The following EPHB1 variants were observed in gnomAD, a reference collection of about 807,000 sequenced individuals.
EPHB1 encodes ephrin type-B receptor 1.
EPHB1 carries 30 observed loss-of-function variants against 94.4 expected under a neutral mutation model. That is an observed-to-expected ratio of 0.32 (90% CI 0.24 to 0.43). The LOEUF (loss-of-function observed/expected upper bound fraction) is 0.43. Among genes scored for constraint, EPHB1 ranks in the 20% least tolerant of loss-of-function variants. The pLI is 1.00. For missense variants in EPHB1, 1,055 were observed against 1,308.3 expected, an observed-to-expected ratio of 0.81 and a Z score of 2.99; for synonymous variants, 522 against 489.1, an observed-to-expected ratio of 1.07 and a Z score of -0.89.
intron 5 of EPHB1, among the ~76,000 whole-genome samples, chr3:135,144,654 C>T (rs1358150089): frequency 1.3e-5 from 2 of 152,260 alleles, no homozygotes; most frequent in South Asian, 2.1e-4. Context: ...CCACCTGTCA[C>T]CCCCCACATT....
chr3:134,795,713 G>A (rs1486599733), intron 1 of EPHB1, 24 bp downstream of exon 1: 1 of 1,608,112 alleles, frequency 6.2e-7, no homozygotes, highest in East Asian at 2.3e-5. Context: ...CACGGAGCAA[G>A]TTGGCTGCTG....
chr3:135,107,425 AC>A (rs139321344), intron 4 of EPHB1, among the ~76,000 whole-genome samples: 32,088 of 152,116 alleles, frequency 0.21, 4,220 homozygotes, highest in Non-Finnish European at 0.3. Flanking sequence ...ATTTGCTCCT[AC>A]TCCTCTGAGC....
chr3:134,946,154 T>C (rs1026136810), intron 2 of EPHB1, among the ~76,000 whole-genome samples: 1 of 152,204 alleles, frequency 6.6e-6, no homozygotes, highest in African/African-American at 2.4e-5. Flanking sequence ...ATCTCTTGCC[T>C]GGGCACCCAC....
chr3:135,222,471 C>T (rs1372768971), intron 12 of EPHB1, among the ~76,000 whole-genome samples: 1 of 152,102 alleles, frequency 6.6e-6, no homozygotes, highest in Admixed American at 6.6e-5. Flanking sequence ...CAAATAGGGG[C>T]ACGCTTTCTT....
Position 135,050,643 on chromosome 3 carries a change from G to A in EPHB1, c.806-55805G>A, listed in dbSNP as rs150194269. On this transcript the variant is annotated intron_variant, in intron 3 of 15. Transcript: ENST00000398015. ...GGTGGGCCTAATAGGAGGTGTTTTC[G>A]TCATGGGGCTGGATCCCTTTTGAAT... 3.0e-4 allele frequency among the ~76,000 whole-genome samples: 45 copies of A among 152,276 alleles called. No individual in the cohort carries two copies. In the East Asian group the frequency reaches 7.2e-3, roughly 24 times the overall value.
intron 6 of EPHB1, among the ~76,000 whole-genome samples, chr3:135,157,502 T>C (rs772389551): frequency 1.8e-4 from 27 of 152,354 alleles, no homozygotes; most frequent in Admixed American, 3.3e-4. Flanking sequence ...TAGTAATTTG[T>C]ACTAATTATT....
At chr3:135,047,551 G>T (rs977170331) in intron 3 of EPHB1, among the ~76,000 whole-genome samples, 2 of 152,174 alleles carry the variant, frequency 1.3e-5, no homozygotes, top group Non-Finnish European at 2.9e-5. Context: ...CCTATTAACT[G>T]CTTCCCTGCC....
At chr3:134,803,669 T>G (rs1436108752) in intron 1 of EPHB1, among the ~76,000 whole-genome samples, 4 of 152,228 alleles carry the variant, frequency 2.6e-5, no homozygotes, top group African/African-American at 9.6e-5. Context: ...TAAGCATTTT[T>G]TTCTCCCATT....
chr3:135,038,139 C>T lies in EPHB1; in HGVS notation c.806-68309C>T, dbSNP rs139423128. Among the ~76,000 whole-genome samples the T allele has an allele frequency of 3.2e-3, 491 of 152,354 alleles. 1 individual carries two copies. The highest frequency in any genetic ancestry group is 0.011 in the African/African-American group (474 of 41,574). On this transcript the variant is annotated intron_variant, in intron 3 of 15. Coordinates refer to ENST00000398015, the MANE Select transcript of EPHB1 (RefSeq NM_004441.5). The stretch of plus-strand genomic sequence containing the variant: ...TAGCTCCAGTGAACAGTCCAAGCTC[C>T]ACTGGGGTAGCCTCCCTAAGTCCTG...
chr3:135,200,507 C>A (rs978925093), intron 11 of EPHB1, among the ~76,000 whole-genome samples: 1 of 152,076 alleles, frequency 6.6e-6, no homozygotes, highest in Non-Finnish European at 1.5e-5. Flanking sequence ...CTGGGATTAC[C>A]CAGAGAAGGT....
At chr3:135,112,765 A>C (rs527672339) in intron 4 of EPHB1, among the ~76,000 whole-genome samples, 1 of 152,080 alleles carries the variant, frequency 6.6e-6, no homozygotes, top group Admixed American at 6.5e-5. Context: ...TATATGTGCC[A>C]CATTTTCTTA....
At chr3:135,014,132 G>T (rs1454315035) in intron 3 of EPHB1, among the ~76,000 whole-genome samples, 1 of 152,166 alleles carries the variant, frequency 6.6e-6, no homozygotes, top group Non-Finnish European at 1.5e-5. Flanking sequence ...GGGGAGCTAG[G>T]ATGTGGGCAC....
chr3:135,161,997 C>T, intron 6 of EPHB1, 21 bp from the exon 7 acceptor site: 2 of 1,594,046 alleles, frequency 1.3e-6, no homozygotes, highest in South Asian at 2.3e-5. Context: ...GATAGTGACC[C>T]TTTCCCTTGC....
At chr3:134,853,858 G>A (rs966359761) in intron 1 of EPHB1, among the ~76,000 whole-genome samples, 3 of 152,180 alleles carry the variant, frequency 2.0e-5, no homozygotes, top group African/African-American at 7.2e-5. Flanking sequence ...CCATATAGGA[G>A]CAACTTCACA....
chr3:134,865,500 ATATTCT>A (rs1354679144), intron 1 of EPHB1, among the ~76,000 whole-genome samples: 1 of 152,186 alleles, frequency 6.6e-6, no homozygotes, highest in African/African-American at 2.4e-5. Flanking sequence ...TATCTTACAG[ATATTCT>A]TATACTTGTA....
intron 4 of EPHB1, among the ~76,000 whole-genome samples, chr3:135,127,410 C>A (rs1940248728): frequency 6.6e-6 from 1 of 152,132 alleles, no homozygotes; most frequent in African/African-American, 2.4e-5. Flanking sequence ...GTTATAGCTC[C>A]AACCTTGTGG....
At chr3:135,048,154 G>T (rs1418753294) in intron 3 of EPHB1, among the ~76,000 whole-genome samples, 1 of 151,666 alleles carries the variant, frequency 6.6e-6, no homozygotes, top group Non-Finnish European at 1.5e-5. Context: ...TGCTGGGAAG[G>T]AGGAGGGAAG....
intron 3 of EPHB1, among the ~76,000 whole-genome samples, chr3:135,010,667 G>A (rs940111839): frequency 8.0e-5 from 12 of 149,174 alleles, no homozygotes; most frequent in African/African-American, 2.7e-4. Flanking sequence ...AGGTTCAAGC[G>A]ATTCTCCTGC....
chr3:134,992,848 C>T (rs1396721614), intron 3 of EPHB1, among the ~76,000 whole-genome samples: 1 of 152,162 alleles, frequency 6.6e-6, no homozygotes, highest in Non-Finnish European at 1.5e-5. Context: ...ATTTGCTTCC[C>T]TGGGTGCTTG....
Sources: gnomAD v4.1 joint callset for allele counts (sites outside exome capture counted in the v4.1 genomes callset) on GRCh38, gnomAD v4.1.1 for gene constraint, MANE v1.5 for transcripts, NCBI Gene and HGNC (gene_info 2026-07-23, HGNC 2026-07-21) for gene names.